APBB2: variants seen among roughly 807,000 people sequenced by gnomAD.
APBB2 encodes Fe65-like 1.
APBB2 carries 38 observed loss-of-function variants against 82.5 expected under a neutral mutation model. The ratio of observed to expected loss-of-function variants is 0.46; its 90% confidence interval spans 0.36 to 0.60. The LOEUF (loss-of-function observed/expected upper bound fraction) is 0.60, where lower values mean the gene tolerates loss of function less well. Among genes scored for constraint, APBB2 ranks in the 20% least tolerant of loss-of-function variants. The probability of loss-of-function intolerance (pLI) is 0.00; values close to 1 mark genes in which losing one functional copy is unlikely to be tolerated. For synonymous variants in APBB2, 341 were observed against 368.2 expected (o/e 0.93, Z 0.85); for missense variants, 772 against 972.3 (o/e 0.79, Z 2.74).
chr4:40,896,624 CTT>C (rs1240757609), intron 10 of APBB2, among the ~76,000 whole-genome samples: 5 of 152,216 alleles, frequency 3.3e-5, no homozygotes, highest in Admixed American at 3.3e-4. Flanking sequence ...TCATGTAACT[CTT>C]AACTGAATAA....
At chr4:40,817,288 G>A (rs1241285104) in intron 17 of APBB2, among the ~76,000 whole-genome samples, 7 of 152,036 alleles carry the variant, frequency 4.6e-5, no homozygotes, top group South Asian at 2.1e-4. Context: ...CATGCCTGTG[G>A]TTCCAGCTAC....
intron 3 of APBB2, among the ~76,000 whole-genome samples, chr4:41,099,941 T>C (rs897932202): frequency 1.3e-5 from 2 of 152,052 alleles, no homozygotes; most frequent in African/African-American, 4.8e-5. Context: ...CCAAGCAGTA[T>C]CCATTAAAAA....
intron 2 of APBB2, among the ~76,000 whole-genome samples, chr4:41,119,708 A>G (rs980965148): frequency 1.3e-5 from 2 of 152,056 alleles, no homozygotes; most frequent in Admixed American, 1.3e-4. Context: ...TACCCTGTCC[A>G]GAGACTCCTC....
chr4:40,829,524 C>T (rs1379968828), intron 13 of APBB2, among the ~76,000 whole-genome samples: 2 of 152,286 alleles, frequency 1.3e-5, no homozygotes, highest in East Asian at 3.9e-4. Context: ...GGACCTTTCT[C>T]TGCTGCTACA....
intron 6 of APBB2, among the ~76,000 whole-genome samples, chr4:40,975,038 T>C (rs1796809590): frequency 6.6e-6 from 1 of 152,214 alleles, no homozygotes; most frequent in Admixed American, 6.5e-5. Flanking sequence ...CTAACTGACA[T>C]GTCCTTTCAG....
chr4:40,957,297 G>T (rs900167684), intron 6 of APBB2, among the ~76,000 whole-genome samples: 1 of 151,844 alleles, frequency 6.6e-6, no homozygotes, highest in African/African-American at 2.4e-5. Flanking sequence ...TATGATTTCT[G>T]AGAGTCTGCA....
At position 40,893,076 on chromosome 4, in the gene APBB2, C is replaced by A. The variant is rs114577492; in HGVS notation, c.1401+189G>T. ...CTCTCTCTCCAGGCCCCAGTCCTCA[C>A]TGGCATCTGGCAGTGCTAAGGGATC... On this transcript the variant is annotated intron_variant, in intron 11 of 17. Coordinates refer to ENST00000508593, the MANE Select transcript of APBB2 (RefSeq NM_004307.2). The A allele has an allele frequency of 3.2e-3, 1,765 of 558,874 alleles. 31 individuals are homozygous for A. The highest frequency in any genetic ancestry group is 0.03 in the African/African-American group (1,579 of 52,036). The allele number at this position is 558,874 out of a possible 1,614,324, so 34.6% of individuals were successfully genotyped here. A position where few individuals can be genotyped will look rare whatever the true frequency, so the allele number is the denominator to read the frequency against.
rs1258502732 is a variant in APBB2 at position 41,159,955 on chromosome 4, GAGAAGGAGAAGAAGAAGA to G, written c.-416-16831_-416-16814del. Among the ~76,000 whole-genome samples, 228 of 48,730 alleles carry G rather than the reference GAGAAGGAGAAGAAGAAGA, an allele frequency of 4.7e-3. 2 individuals are homozygous for G. The highest frequency in any genetic ancestry group is 0.014 in the East Asian group (22 of 1,622). 32.0% of individuals were successfully genotyped at this position (48,730 alleles called of 152,430 possible). A position where few individuals can be genotyped will look rare whatever the true frequency, so the allele number is the denominator to read the frequency against. ...GGAGGAGGAGGAGGAGAAGGAGAAG[GAGAAGGAGAAGAAGAAGA>G]AGAAGAAGAAGAAGAAGAAGAAGAA... On this transcript the variant is annotated intron_variant, in intron 1 of 17. Transcript: ENST00000508593.
At chr4:40,930,456 C>T (rs1053455056) in intron 10 of APBB2, among the ~76,000 whole-genome samples, 262 of 124,562 alleles carry the variant, frequency 2.1e-3, no homozygotes, top group Middle Eastern at 7.2e-3. Context: ...TGTGCGCGCG[C>T]GCGCGCGCGC....
rs145957777 is a variant in APBB2, at chr4:40,847,747, T to C, written c.1530-17170A>G. Among the ~76,000 whole-genome samples the C allele has an allele frequency of 1.6e-4, 24 of 152,094 alleles. No homozygotes were observed. The East Asian group carries it at 4.6e-3, about 29-fold the overall frequency. On this transcript the variant is annotated intron_variant, in intron 12 of 17. Transcript: ENST00000508593. ...GTGCCAGTTCAAAGGAGTACTAGGGTAGATAACATGGAAAGCCAATACATA... is the reference window on the plus strand; with the variant it reads ...GTGCCAGTTCAAAGGAGTACTAGGGCAGATAACATGGAAAGCCAATACATA...
chr4:41,011,411 C>A (rs150251333), intron 6 of APBB2, among the ~76,000 whole-genome samples: 2 of 150,946 alleles, frequency 1.3e-5, no homozygotes, highest in African/African-American at 4.9e-5. Context: ...GAACTCCTGA[C>A]CTGGTGATCC....
At chr4:40,966,957 C>T (rs1328243160) in intron 6 of APBB2, among the ~76,000 whole-genome samples, 1 of 152,170 alleles carries the variant, frequency 6.6e-6, no homozygotes, top group Non-Finnish European at 1.5e-5. Context: ...GTTCCATGGA[C>T]CAGGGTGAGA....
In APBB2 at chr4:41,033,265, G is replaced by T. The variant is rs1395118290; in HGVS notation, c.-11C>A. On this transcript the variant is annotated 5_prime_UTR_variant, in exon 5 of 18. Coordinates refer to ENST00000508593, the MANE Select transcript of APBB2 (RefSeq NM_004307.2). ...AAGTACTTCTGACATGGATCACCAGGCGTCAGCAATGGTGCAGGAAATAGG... is the reference window on the plus strand; with the variant it reads ...AAGTACTTCTGACATGGATCACCAGTCGTCAGCAATGGTGCAGGAAATAGG... 5.6e-6 allele frequency: 9 copies of T among 1,604,154 alleles called. No homozygotes were observed. Among genetic ancestry groups the T allele is most frequent in the Non-Finnish European group, 7.7e-6 (9 of 1,173,740 alleles).
rs111481667 is a variant in APBB2, at chr4:40,931,799, C to CT, written c.1254+2656dup. 3.4e-3 allele frequency among the ~76,000 whole-genome samples: 497 copies of CT among 144,696 alleles called. 2 individuals carry two copies. The highest frequency in any genetic ancestry group is 8.1e-3 in the African/African-American group (320 of 39,704). The allele number at this position is 144,696 out of a possible 152,430, so 94.9% of individuals were successfully genotyped here. On this transcript the variant is annotated intron_variant, in intron 10 of 17. Transcript: ENST00000508593. ...ATTATTCTCTTATATTTTCTGTGCC[C>CT]TTTTTTTTTTTTTAAAGTGTTTGTT... is the stretch of plus-strand genomic sequence containing the variant.
At chr4:40,905,940 A>T (rs1317974587) in intron 10 of APBB2, among the ~76,000 whole-genome samples, 1 of 152,022 alleles carries the variant, frequency 6.6e-6, no homozygotes, top group Non-Finnish European at 1.5e-5. Flanking sequence ...AATGAGTTTG[A>T]TGAAGGTCAG....
intron 17 of APBB2, among the ~76,000 whole-genome samples, chr4:40,816,540 C>G (rs1362645121): frequency 1.3e-5 from 2 of 152,200 alleles, no homozygotes; most frequent in Non-Finnish European, 2.9e-5. Flanking sequence ...ATACACCTCA[C>G]AGTCAATGAG....
At chr4:41,202,306 T>C (rs1258444025) in intron 1 of APBB2, among the ~76,000 whole-genome samples, 1 of 152,230 alleles carries the variant, frequency 6.6e-6, no homozygotes, top group Non-Finnish European at 1.5e-5. Flanking sequence ...AGTAGAATTG[T>C]ACAATATTTT....
At chr4:40,888,955 A>G (rs1294581579) in intron 12 of APBB2, among the ~76,000 whole-genome samples, 1 of 152,274 alleles carries the variant, frequency 6.6e-6, no homozygotes, top group Admixed American at 6.5e-5. Context: ...CCAAAGTTAA[A>G]TGTTTTTAAT....
Position 40,939,289 on chromosome 4 carries a change from C to T in APBB2, c.1045-4150G>A, listed in dbSNP as rs372645321. On this transcript the variant is annotated intron_variant, in intron 7 of 17. Coordinates refer to ENST00000508593, the MANE Select transcript of APBB2 (RefSeq NM_004307.2). ...CTTGCTCTTTGACCTCAACTCCCTC[C>T]CATATCAAACAGGACTAAGAAGGCC... Among the ~76,000 whole-genome samples, 111 of 152,132 alleles carry T rather than the reference C, an allele frequency of 7.3e-4. 3 individuals carry two copies. Among genetic ancestry groups the T allele is most frequent in the Non-Finnish European group, 2.9e-4 (20 of 68,022 alleles).
Sources: allele counts gnomAD v4.1 joint callset (sites outside exome capture counted in the v4.1 genomes callset), GRCh38; gene constraint gnomAD v4.1.1; transcripts MANE v1.5; gene names NCBI Gene and HGNC (gene_info 2026-07-23, HGNC 2026-07-21).